Variants in NCKAP5 observed in about 807,000 individuals in gnomAD.
NCKAP5 encodes the protein NCK associated protein 5.
Under a neutral mutation model 167.0 loss-of-function variants are expected in NCKAP5, and 92 were observed. The observed-to-expected ratio is 0.55, with a 90% CI of 0.47 to 0.66. The LOEUF (loss-of-function observed/expected upper bound fraction) is 0.66. Ranked by LOEUF, NCKAP5 falls within the 30% of genes least tolerant of loss-of-function variation. The probability of loss-of-function intolerance (pLI) is 0.00; values close to 1 mark genes in which losing one functional copy is unlikely to be tolerated. For synonymous variants in NCKAP5, 891 were observed against 877.4 expected (o/e 1.02, Z -0.27); for missense variants, 2,378 against 2,315.0 (o/e 1.03, Z -0.56).
chr2:133,081,017 AGT>A (rs1246000737), intron 6 of NCKAP5, among the ~76,000 whole-genome samples: 2 of 152,268 alleles, frequency 1.3e-5, no homozygotes, highest in Admixed American at 1.3e-4. Context: ...GGCTCTGCAC[AGT>A]GTGGAGATAC....
intron 8 of NCKAP5, among the ~76,000 whole-genome samples, chr2:132,898,821 G>C (rs559025805): frequency 4.6e-5 from 7 of 152,314 alleles, no homozygotes; most frequent in Non-Finnish European, 8.8e-5. Flanking sequence ...AAACACATAT[G>C]TTGTCACCCA....
intron 8 of NCKAP5, among the ~76,000 whole-genome samples, chr2:132,927,689 A>T (rs1696015682): frequency 6.6e-6 from 1 of 152,088 alleles, no homozygotes; most frequent in Admixed American, 6.6e-5. Flanking sequence ...ATTGGTGTAT[A>T]AAAATGCCAC....
intron 3 of NCKAP5, among the ~76,000 whole-genome samples, chr2:133,341,847 C>T (rs1025150104): frequency 9.9e-5 from 15 of 152,194 alleles, no homozygotes; most frequent in African/African-American, 3.6e-4. Context: ...CCATTTTTTG[C>T]CACTTAACTG....
intron 3 of NCKAP5, among the ~76,000 whole-genome samples, chr2:133,313,369 C>T (rs566266594): frequency 6.7e-6 from 1 of 148,758 alleles, no homozygotes; most frequent in Admixed American, 6.6e-5. Flanking sequence ...TTCTCCCATT[C>T]AGTATTCTAT....
chr2:132,900,889 G>A (rs1693566203), intron 8 of NCKAP5, among the ~76,000 whole-genome samples: 2 of 150,738 alleles, frequency 1.3e-5, no homozygotes, highest in Admixed American at 1.3e-4. Context: ...GAACCCAGGA[G>A]GTGGAGGTGG....
the NCKAP5 span, among the ~76,000 whole-genome samples, chr2:133,618,354 A>C: frequency 6.6e-6 from 1 of 151,300 alleles, no homozygotes; most frequent in African/African-American, 2.4e-5. Flanking sequence ...AACTACCATC[A>C]GAGTGAACAG....
intron 10 of NCKAP5, among the ~76,000 whole-genome samples, chr2:132,866,338 A>C (rs72992820): frequency 2.2e-4 from 33 of 152,224 alleles, no homozygotes; most frequent in African/African-American, 8.0e-4. Flanking sequence ...TCAGATAACA[A>C]TATGAATTTA....
At chr2:133,010,472 C>T (rs2078120245) in intron 6 of NCKAP5, among the ~76,000 whole-genome samples, 1 of 152,208 alleles carries the variant, frequency 6.6e-6, no homozygotes, top group Non-Finnish European at 1.5e-5. Context: ...AATGCTCCTC[C>T]AATGTGTACA....
chr2:133,298,653 C>G (rs991797266), intron 4 of NCKAP5, among the ~76,000 whole-genome samples: 1 of 152,074 alleles, frequency 6.6e-6, no homozygotes, highest in Non-Finnish European at 1.5e-5. Flanking sequence ...AAATTAAACT[C>G]TAAATTTCTT....
the NCKAP5 span, among the ~76,000 whole-genome samples, chr2:133,601,982 CTAAATAATGTTTTAAA>C: frequency 1.3e-5 from 2 of 152,046 alleles, no homozygotes; most frequent in Non-Finnish European, 1.5e-5. Flanking sequence ...GTAATGGTGT[CTAAATAATGTTTTAAA>C]TAAATAATGT....
Position 132,795,220 on chromosome 2 carries a change from A to T in NCKAP5, c.909+1408T>A, listed in dbSNP as rs896261667. Among the ~76,000 whole-genome samples, 21 of 152,346 alleles carry T rather than the reference A, an allele frequency of 1.4e-4. 2 individuals are homozygous for T. The highest frequency in any genetic ancestry group is 1.2e-3 in the Admixed American group (18 of 15,302). On this transcript the variant is annotated intron_variant, in intron 12 of 19. Transcript: ENST00000409261. ...TCCAAGCCACTATGCCATAATGCCA[A>T]GTCAGCCCTGTGACAATGAGCAGAG...
intron 2 of NCKAP5, among the ~76,000 whole-genome samples, chr2:133,547,985 A>C (rs951735907): frequency 7.5e-5 from 11 of 147,120 alleles, no homozygotes; most frequent in Admixed American, 1.4e-4. Context: ...TTTGAAAAAA[A>C]TTTAGAAGAA....
chr2:133,659,582 A>G, the NCKAP5 span, among the ~76,000 whole-genome samples: 1 of 152,166 alleles, frequency 6.6e-6, no homozygotes, highest in Admixed American at 6.5e-5. Flanking sequence ...GGGAGAATAT[A>G]TTTTCAAATC....
chr2:133,356,704 A>G (rs1684739909), intron 3 of NCKAP5, among the ~76,000 whole-genome samples: 1 of 152,248 alleles, frequency 6.6e-6, no homozygotes, highest in Non-Finnish European at 1.5e-5. Context: ...CCCAACAAGA[A>G]GAAAGTCATT....
intron 8 of NCKAP5, among the ~76,000 whole-genome samples, chr2:132,897,965 A>C (rs555129711): frequency 4.6e-5 from 7 of 152,154 alleles, no homozygotes; most frequent in Non-Finnish European, 1.0e-4. Flanking sequence ...GTAATTCCTT[A>C]AAACAAGACA....
intron 5 of NCKAP5, among the ~76,000 whole-genome samples, chr2:133,203,772 G>C (rs1180918442): frequency 1.3e-5 from 2 of 152,074 alleles, no homozygotes; most frequent in Admixed American, 6.6e-5. Flanking sequence ...TTTGGGAATG[G>C]TATTTTTCCT....
chr2:133,289,726 C>CAAAA (rs34917850), intron 4 of NCKAP5, among the ~76,000 whole-genome samples: 8 of 102,794 alleles, frequency 7.8e-5, no homozygotes, highest in Non-Finnish European at 1.1e-4. Context: ...AACAAACAAA[C>CAAAA]AAAAAAAAAC....
intron 16 of NCKAP5, among the ~76,000 whole-genome samples, chr2:132,752,236 C>T (rs999414946): frequency 1.3e-5 from 2 of 152,234 alleles, no homozygotes; most frequent in African/African-American, 4.8e-5. Flanking sequence ...GCCCTTCCCC[C>T]GTGCACAGGC....
chr2:133,506,121 C>T (rs1220821828), intron 3 of NCKAP5, among the ~76,000 whole-genome samples: 1 of 152,160 alleles, frequency 6.6e-6, no homozygotes, highest in African/African-American at 2.4e-5. Context: ...GACCACCCTC[C>T]CTGCACCTCA....
Sources: allele counts gnomAD v4.1 joint callset (sites outside exome capture counted in the v4.1 genomes callset), GRCh38; gene constraint gnomAD v4.1.1; transcripts MANE v1.5; gene names NCBI Gene and HGNC (gene_info 2026-07-23, HGNC 2026-07-21).